TPCN1: variants seen among roughly 807,000 people sequenced by gnomAD.
TPCN1 encodes two pore channel protein 1.
A neutral mutation model predicts 108.8 loss-of-function variants in TPCN1; 52 were observed. That is an observed-to-expected ratio of 0.48 (90% CI 0.38 to 0.60). TPCN1 has a LOEUF of 0.60. Ranked by LOEUF, TPCN1 falls within the 20% of genes least tolerant of loss-of-function variation. The pLI is 0.00. For synonymous variants in TPCN1, 446 were observed against 433.7 expected, an observed-to-expected ratio of 1.03 and a Z score of -0.35; for missense variants, 806 against 1,072.8, an observed-to-expected ratio of 0.75 and a Z score of 3.47.
chr12:113,266,248 T>G lies in TPCN1; in HGVS notation c.306T>G (p.Phe102Leu), dbSNP rs1222369895. 1.2e-6 allele frequency: 2 copies of G among 1,614,138 alleles called. No individual in the cohort carries two copies. Among genetic ancestry groups the G allele is most frequent in the Non-Finnish European group, 1.7e-6 (2 of 1,180,034 alleles). ...KDAKALAAYL[F>L]AHNHLFYLME... ...CCAAGGCGCTGGCGGCCTACCTCTT[T>G]GCACACAATCACCTCTTCTACCTGA... Residue 102 changes from phenylalanine to leucine, a missense_variant, in exon 4 of 28, where the codon TTT (phenylalanine) becomes TTG (leucine). Transcript: ENST00000335509. The surrounding 1 kb of genome is among the most constrained non-coding windows in gnomAD (Gnocchi z 4.2).
At chr12:113,279,758 C>G (rs984581668) in intron 14 of TPCN1, among the ~76,000 whole-genome samples, 1 of 152,044 alleles carries the variant, frequency 6.6e-6, no homozygotes, top group African/African-American at 2.4e-5. Context: ...TTGCATGACC[C>G]CTTGAATAAT....
chr12:113,240,842 G>A (rs1954088058), intron 2 of TPCN1, among the ~76,000 whole-genome samples: 1 of 151,772 alleles, frequency 6.6e-6, no homozygotes, highest in Admixed American at 6.6e-5. Context: ...GGCTTCCCAG[G>A]TTCAAGTGAT....
intron 27 of TPCN1, among the ~76,000 whole-genome samples, chr12:113,295,391 C>T (rs1956391216): frequency 6.7e-6 from 1 of 148,466 alleles, no homozygotes; most frequent in South Asian, 2.1e-4. Flanking sequence ...TGCAGTGAGC[C>T]GTACCTCGCC....
chr12:113,253,498 C>G (rs1468793945), intron 2 of TPCN1, among the ~76,000 whole-genome samples: 2 of 152,130 alleles, frequency 1.3e-5, no homozygotes, highest in Admixed American at 1.3e-4. Flanking sequence ...TTAACTGGGG[C>G]TGGAGGATCT....
chr12:113,244,356 C>G (rs1327760272), intron 2 of TPCN1: 4 of 985,394 alleles, frequency 4.1e-6, no homozygotes, highest in Non-Finnish European at 4.8e-6. Flanking sequence ...TCTTGCCTTT[C>G]TGAAGGTTGG....
At chr12:113,291,698 C>A in intron 24 of TPCN1, 21 bp downstream of exon 24, 3 of 1,611,424 alleles carry the variant, frequency 1.9e-6, no homozygotes, top group Non-Finnish European at 1.7e-6. Flanking sequence ...GACCACAGAA[C>A]GCTCTTTGTC....
chr12:113,234,207 C>T (rs1395314753), intron 2 of TPCN1, among the ~76,000 whole-genome samples: 3 of 152,172 alleles, frequency 2.0e-5, no homozygotes, highest in Admixed American at 2.0e-4. Flanking sequence ...ACAGTGTCAC[C>T]ATCTGTGGAA....
At chr12:113,287,496 C>T in intron 19 of TPCN1, 1 of 177,178 alleles carries the variant, frequency 5.6e-6, no homozygotes, top group Non-Finnish European at 1.2e-5. Flanking sequence ...GTGTGGGTCC[C>T]ACTGGTTTCC....
In TPCN1 at chr12:113,232,177, C is replaced by G. The variant is rs1953711783; in HGVS notation, c.112+5213C>G. Among the ~76,000 whole-genome samples, 1 of 152,238 alleles carries G rather than the reference C, an allele frequency of 6.6e-6. No individual in the cohort carries two copies. The highest frequency in any genetic ancestry group is 2.4e-5 in the African/African-American group (1 of 41,466). On this transcript the variant is annotated intron_variant, in intron 2 of 27. Coordinates refer to ENST00000335509, the MANE Select transcript of TPCN1 (RefSeq NM_017901.6). This position sits in a 1 kb window ranked among gnomAD's most constrained non-coding sequence, Gnocchi z 5.6. ...TGTTTATGGTTTTCAGGTGACAGGT[C>G]CTGCAGCTAAGGCCCAAGGTCACAG... is the stretch of plus-strand genomic sequence containing the variant.
chr12:113,243,343 C>G (rs1954222827), intron 2 of TPCN1, among the ~76,000 whole-genome samples: 1 of 151,534 alleles, frequency 6.6e-6, no homozygotes, highest in South Asian at 2.1e-4. Context: ...GCACTTTAGC[C>G]TGGATGACAG....
chr12:113,234,982 C>T (rs1228562015), intron 2 of TPCN1, among the ~76,000 whole-genome samples: 2 of 152,144 alleles, frequency 1.3e-5, no homozygotes, highest in African/African-American at 4.8e-5. Context: ...ACCGATTCAC[C>T]CTTTGTTTTC....
At position 113,297,838 on chromosome 12, in the gene TPCN1, T is replaced by G. The variant is rs1315152944; in HGVS notation, c.*1762T>G. ...GAACTTTATTGCACAATTGGGTGCC[T>G]TTTAGCTTTTGTGTGTTGAAATGGG... On this transcript the variant is annotated 3_prime_UTR_variant, in exon 28 of 28. Transcript: ENST00000335509. The surrounding 1 kb of genome is among the most constrained non-coding windows in gnomAD (Gnocchi z 4.4). 1 of 152,174 alleles carries G rather than the reference T, an allele frequency of 6.6e-6. No individual in the cohort carries two copies. The highest frequency in any genetic ancestry group is 2.4e-5 in the African/African-American group (1 of 41,416). 9.4% of individuals were successfully genotyped at this position (152,174 alleles called of 1,614,324 possible). A position where few individuals can be genotyped will look rare whatever the true frequency, so the allele number is the denominator to read the frequency against.
Position 113,268,060 on chromosome 12 carries a change from C to A in TPCN1, c.528+104C>A. On this transcript the variant is annotated intron_variant, in intron 5 of 27. Transcript: ENST00000335509. This position sits in a 1 kb window ranked among gnomAD's most constrained non-coding sequence, Gnocchi z 7.3. ...TTCAGAATCCACCATGGGCCCAGTCCATGCTCAGAGGTGTAACCCTAGGGT... is the reference window on the plus strand; with the variant it reads ...TTCAGAATCCACCATGGGCCCAGTCAATGCTCAGAGGTGTAACCCTAGGGT... The A allele has an allele frequency of 1.2e-6, 1 of 853,490 alleles. No homozygotes were observed. The highest frequency in any genetic ancestry group is 1.5e-5 in the South Asian group (1 of 65,394). The allele number at this position is 853,490 out of a possible 1,614,324, so 52.9% of individuals were successfully genotyped here. A position where few individuals can be genotyped will look rare whatever the true frequency, so the allele number is the denominator to read the frequency against.
At chr12:113,257,262 C>T (rs571904890) in intron 2 of TPCN1, among the ~76,000 whole-genome samples, 2 of 152,270 alleles carry the variant, frequency 1.3e-5, no homozygotes, top group African/African-American at 2.4e-5. Flanking sequence ...GAGGCCGAGG[C>T]GGGCAGATCA....
At chr12:113,276,576 ACT>A (rs1391399302) in intron 10 of TPCN1, among the ~76,000 whole-genome samples, 2 of 150,938 alleles carry the variant, frequency 1.3e-5, no homozygotes, top group African/African-American at 4.9e-5. Context: ...CCCTCTTGCT[ACT>A]CTCTCCTCCC....
chr12:113,255,910 T>G (rs1954815623), intron 2 of TPCN1, among the ~76,000 whole-genome samples: 1 of 148,236 alleles, frequency 6.7e-6, no homozygotes, highest in Admixed American at 6.7e-5. Flanking sequence ...ACTCTAGCCT[T>G]GACCTCTCAA....
chr12:113,274,143 A>G (rs558227088), intron 10 of TPCN1, among the ~76,000 whole-genome samples: 1 of 152,360 alleles, frequency 6.6e-6, no homozygotes, highest in Non-Finnish European at 1.5e-5. Context: ...AATACAATGT[A>G]AAAGCTATGT....
In TPCN1 at chr12:113,290,121, C is replaced by T. The variant is rs540787215; in HGVS notation, c.1797-7C>T. The T allele has an allele frequency of 3.1e-5, 49 of 1,568,048 alleles. No individual in the cohort carries two copies. The East Asian group carries it at 4.4e-4, about 14-fold the overall frequency. Reference sequence around the variant, plus strand: ...CCTCCCTCCTTTCTCCCTTGTGCTCCGGCCAGCACGAGTACAGTGGCAGAT... The same window carrying T: ...CCTCCCTCCTTTCTCCCTTGTGCTCTGGCCAGCACGAGTACAGTGGCAGAT... On this transcript the variant is annotated splice_region_variant and splice_polypyrimidine_tract_variant and intron_variant, in intron 21 of 27. Transcript: ENST00000335509.
chr12:113,286,191 G>A (rs574791665), intron 18 of TPCN1, among the ~76,000 whole-genome samples: 24 of 152,254 alleles, frequency 1.6e-4, no homozygotes, highest in African/African-American at 5.1e-4. Flanking sequence ...TTCTGGAAAC[G>A]GCCTCTTGAG....
Sources: gnomAD v4.1 joint callset for allele counts (sites outside exome capture counted in the v4.1 genomes callset) on GRCh38, gnomAD v4.1.1 for gene constraint, Gnocchi (gnomAD v3.1) non-coding constraint, MANE v1.5 for transcripts, NCBI Gene and HGNC (gene_info 2026-07-23, HGNC 2026-07-21) for gene names.